CACNA2D1: variants seen among roughly 807,000 people sequenced by gnomAD.
CACNA2D1 encodes the protein calcium voltage-gated channel auxiliary subunit alpha2delta 1, also known as voltage-dependent calcium channel subunit alpha-2/delta-1.
In CACNA2D1, 53 loss-of-function variants were observed where a neutral mutation model predicts 171.5. That is an observed-to-expected ratio of 0.31 (90% CI 0.25 to 0.39). CACNA2D1 has a LOEUF of 0.39. Ranked by LOEUF, CACNA2D1 falls within the 10% of genes least tolerant of loss-of-function variation. The pLI, the probability that CACNA2D1 is intolerant of heterozygous loss-of-function variation, is 1.00. For synonymous variants in CACNA2D1, 442 were observed against 443.1 expected (o/e 1.00, Z 0.03); for missense variants, 903 against 1,299.8 (o/e 0.69, Z 4.69).
chr7:82,072,382 G>T (rs1584636633), intron 7 of CACNA2D1, among the ~76,000 whole-genome samples: 2 of 151,834 alleles, frequency 1.3e-5, no homozygotes, highest in African/African-American at 4.8e-5. Flanking sequence ...CTTTTTAAAA[G>T]TCTGCTTCAC....
intron 1 of CACNA2D1, among the ~76,000 whole-genome samples, chr7:82,409,982 T>C (rs1449739277): frequency 6.6e-6 from 1 of 152,218 alleles, no homozygotes; most frequent in African/African-American, 2.4e-5. Context: ...GATAAGTGTC[T>C]GTATATTTAA....
At chr7:82,203,598 CA>C (rs1253644990) in intron 3 of CACNA2D1, among the ~76,000 whole-genome samples, 10 of 152,328 alleles carry the variant, frequency 6.6e-5, no homozygotes, top group African/African-American at 1.9e-4. Flanking sequence ...TCAGCAGGCA[CA>C]AGCCCTACGG....
intron 1 of CACNA2D1, among the ~76,000 whole-genome samples, chr7:82,407,016 C>T (rs528155630): frequency 3.1e-4 from 47 of 152,096 alleles, no homozygotes; most frequent in Non-Finnish European, 6.6e-4. Context: ...TACTTACTAC[C>T]CCTCTATAAA....
At chr7:82,007,626 C>T (rs751424341) in intron 16 of CACNA2D1, 53 bp downstream of exon 16, 51 of 942,914 alleles carry the variant, frequency 5.4e-5, no homozygotes, top group Non-Finnish European at 7.5e-5. Context: ...TGTTGAGCTT[C>T]AACGTCACAG....
intron 1 of CACNA2D1, among the ~76,000 whole-genome samples, chr7:82,403,603 A>C (rs1385626483): frequency 6.6e-6 from 1 of 152,210 alleles, no homozygotes; most frequent in Non-Finnish European, 1.5e-5. Flanking sequence ...TTTGCTACTT[A>C]CTGAACAATA....
At position 82,180,355 on chromosome 7, in the gene CACNA2D1, C is replaced by A. The variant is rs1010262125; in HGVS notation, c.295-9746G>T. ...GGCCCTTGGGTCATTCAGCAGCAAC[C>A]TCACTGGGTTTGAGAGTCCAGAGAT... On this transcript the variant is annotated intron_variant, in intron 3 of 38. Coordinates refer to ENST00000356860, the MANE Select transcript of CACNA2D1 (RefSeq NM_000722.4). Among the ~76,000 whole-genome samples the A allele has an allele frequency of 3.2e-4, 48 of 152,118 alleles. 1 individual carries two copies. Among genetic ancestry groups the A allele is most frequent in the Non-Finnish European group, 4.4e-5 (3 of 68,030 alleles).
At chr7:82,068,584 A>G (rs1287331021) in intron 7 of CACNA2D1, among the ~76,000 whole-genome samples, 2 of 151,960 alleles carry the variant, frequency 1.3e-5, no homozygotes, top group African/African-American at 4.8e-5. Context: ...ATAATTTTTT[A>G]TTGAAAAATA....
At chr7:82,220,233 T>C (rs1351685511) in intron 3 of CACNA2D1, among the ~76,000 whole-genome samples, 2 of 152,184 alleles carry the variant, frequency 1.3e-5, no homozygotes, top group African/African-American at 4.8e-5. Context: ...GAGAACTTAA[T>C]TATGTAGGTC....
At chr7:82,204,562 G>T (rs1053727206) in intron 3 of CACNA2D1, among the ~76,000 whole-genome samples, 2 of 152,182 alleles carry the variant, frequency 1.3e-5, no homozygotes, top group South Asian at 4.1e-4. Flanking sequence ...GTTGTTCCCT[G>T]TATTACTGCT....
intron 3 of CACNA2D1, among the ~76,000 whole-genome samples, chr7:82,333,232 T>C (rs962989484): frequency 2.0e-5 from 3 of 152,200 alleles, no homozygotes; most frequent in Non-Finnish European, 4.4e-5. Context: ...GACATTTTCC[T>C]GGATAATTAT....
chr7:82,135,704 G>A lies in CACNA2D1; in HGVS notation c.396+931C>T, dbSNP rs929017974. On this transcript the variant is annotated intron_variant, in intron 5 of 38. Transcript: ENST00000356860. ...TTAAGACCAGATAGACTTGTTTTAT[G>A]TATTTTTTCATTTTCTTCTTTTAAA... is the stretch of plus-strand genomic sequence containing the variant. 4.6e-5 allele frequency among the ~76,000 whole-genome samples: 7 copies of A among 151,994 alleles called. No individual in the cohort carries two copies. In the South Asian group the frequency reaches 6.2e-4, roughly 14 times the overall value.
At chr7:82,387,972 C>CT (rs536697040) in intron 1 of CACNA2D1, among the ~76,000 whole-genome samples, 239 of 150,638 alleles carry the variant, frequency 1.6e-3, no homozygotes, top group African/African-American at 5.6e-3. Context: ...GTCCCAGCTA[C>CT]TTGGGGGCGC....
At chr7:82,264,526 G>A (rs1375711464) in intron 3 of CACNA2D1, among the ~76,000 whole-genome samples, 1 of 152,172 alleles carries the variant, frequency 6.6e-6, no homozygotes, top group African/African-American at 2.4e-5. Context: ...GCAGCTTAGT[G>A]TCAGCTCTGC....
At chr7:82,428,113 AAAAAC>A (rs1829353568) in intron 1 of CACNA2D1, among the ~76,000 whole-genome samples, 1 of 152,134 alleles carries the variant, frequency 6.6e-6, no homozygotes, top group African/African-American at 2.4e-5. Flanking sequence ...TAAATAAAAA[AAAAAC>A]AAACAAAAAA....
At chr7:82,138,504 T>C (rs1791978250) in intron 4 of CACNA2D1, among the ~76,000 whole-genome samples, 1 of 148,110 alleles carries the variant, frequency 6.8e-6, no homozygotes, top group Non-Finnish European at 1.5e-5. Context: ...TGGAGTGCAG[T>C]GGCGCGATCT....
chr7:82,081,931 G>T (rs757422428), intron 7 of CACNA2D1, among the ~76,000 whole-genome samples: 12 of 152,220 alleles, frequency 7.9e-5, no homozygotes, highest in Non-Finnish European at 1.5e-4. Flanking sequence ...TCTATGTGGG[G>T]CTTGTGGTTA....
At chr7:82,352,134 C>T (rs1348950166) in intron 1 of CACNA2D1, among the ~76,000 whole-genome samples, 3 of 152,154 alleles carry the variant, frequency 2.0e-5, no homozygotes, top group Non-Finnish European at 4.4e-5. Flanking sequence ...CCCATCCAGT[C>T]TTCCCTACCC....
chr7:82,104,300 G>A lies in CACNA2D1; in HGVS notation c.526+12744C>T, dbSNP rs144335797. Among the ~76,000 whole-genome samples, 338 of 152,034 alleles carry A rather than the reference G, an allele frequency of 2.2e-3. 1 individual carries two copies. Among genetic ancestry groups the A allele is most frequent in the African/African-American group, 7.7e-3 (320 of 41,540 alleles). ...ACAGTAGATGACAACATTCTCATTA[G>A]ACAGACTAAACAAAATGATTTATAC... On this transcript the variant is annotated intron_variant, in intron 6 of 38. Coordinates refer to ENST00000356860, the MANE Select transcript of CACNA2D1 (RefSeq NM_000722.4).
chr7:82,359,165 T>G (rs1820801450), intron 1 of CACNA2D1, among the ~76,000 whole-genome samples: 1 of 152,174 alleles, frequency 6.6e-6, no homozygotes, highest in African/African-American at 2.4e-5. Flanking sequence ...ATGAACCAAA[T>G]GAGCTAAAAT....
Sources: gnomAD v4.1 joint callset for allele counts (sites outside exome capture counted in the v4.1 genomes callset) on GRCh38, gnomAD v4.1.1 for gene constraint, MANE v1.5 for transcripts, NCBI Gene and HGNC (gene_info 2026-07-23, HGNC 2026-07-21) for gene names.